Variants in SPATA6 observed in about 807,000 individuals in gnomAD.
SPATA6 encodes spermatogenesis associated 6.
In SPATA6, 56 loss-of-function variants were observed where a neutral mutation model predicts 65.3. That is an observed-to-expected ratio of 0.86 (90% CI 0.69 to 1.07). The LOEUF (loss-of-function observed/expected upper bound fraction) is 1.07, where lower values mean the gene tolerates loss of function less well. Among genes scored for constraint, SPATA6 ranks in the 50% least tolerant of loss-of-function variants. The probability of loss-of-function intolerance (pLI) is 0.00; values close to 1 mark genes in which losing one functional copy is unlikely to be tolerated. For synonymous variants in SPATA6, 199 were observed against 213.2 expected (o/e 0.93, Z 0.58); for missense variants, 590 against 594.8 (o/e 0.99, Z 0.08).
rs894070031 is a variant in SPATA6, at chr1:48,297,424, A to T, written c.*1289T>A. The T allele has an allele frequency of 1.3e-5, 2 of 152,122 alleles. No homozygotes were observed. The highest frequency in any genetic ancestry group is 4.8e-5 in the African/African-American group (2 of 41,432). 9.4% of individuals were successfully genotyped at this position (152,122 alleles called of 1,614,324 possible). A position where few individuals can be genotyped will look rare whatever the true frequency, so the allele number is the denominator to read the frequency against. On this transcript the variant is annotated 3_prime_UTR_variant, in exon 13 of 13. Transcript: ENST00000371847. Reference sequence around the variant, plus strand: ...GCTCTAATGCCCTTTCTGATATATCACAGACTGTGATACTAAAGCACCCTT... The same window carrying T: ...GCTCTAATGCCCTTTCTGATATATCTCAGACTGTGATACTAAAGCACCCTT...
At chr1:48,408,432 C>T (rs1214974795) in intron 5 of SPATA6, among the ~76,000 whole-genome samples, 1 of 152,112 alleles carries the variant, frequency 6.6e-6, no homozygotes, top group East Asian at 1.9e-4. Flanking sequence ...CTTGATGCAG[C>T]TTTTAATTTT....
intron 2 of SPATA6, among the ~76,000 whole-genome samples, chr1:48,452,687 A>G (rs1656685522): frequency 6.6e-6 from 1 of 152,158 alleles, no homozygotes; most frequent in Non-Finnish European, 1.5e-5. Flanking sequence ...CACGGCTGAT[A>G]TATTCTTATC....
the SPATA6 span, among the ~76,000 whole-genome samples, chr1:48,277,777 G>A: frequency 2.0e-5 from 3 of 152,242 alleles, no homozygotes; most frequent in Non-Finnish European, 4.4e-5. Flanking sequence ...AAAGACAGCA[G>A]TAACCTCTGC....
At chr1:48,335,827 A>G (rs1646044673) in intron 11 of SPATA6, among the ~76,000 whole-genome samples, 1 of 152,198 alleles carries the variant, frequency 6.6e-6, no homozygotes, top group Non-Finnish European at 1.5e-5. Flanking sequence ...AAAAGAAACT[A>G]TTAACAAAGT....
intron 1 of SPATA6, among the ~76,000 whole-genome samples, chr1:48,464,969 A>G (rs1274053984): frequency 2.0e-5 from 3 of 152,226 alleles, no homozygotes; most frequent in Non-Finnish European, 4.4e-5. Flanking sequence ...AAAAATCAAT[A>G]GCATTCTTTG....
chr1:48,320,062 C>A (rs1645556104), intron 11 of SPATA6, among the ~76,000 whole-genome samples: 1 of 152,292 alleles, frequency 6.6e-6, no homozygotes, highest in East Asian at 1.9e-4. Context: ...AGAGCCCAGT[C>A]CCCAGAGGCT....
chr1:48,391,456 A>G (rs1650063055), intron 8 of SPATA6, among the ~76,000 whole-genome samples: 1 of 152,128 alleles, frequency 6.6e-6, no homozygotes, highest in African/African-American at 2.4e-5. Flanking sequence ...CCTGGAAGCT[A>G]GCATTATATT....
intron 11 of SPATA6, among the ~76,000 whole-genome samples, chr1:48,334,054 T>C (rs1645991295): frequency 6.6e-6 from 1 of 152,112 alleles, no homozygotes; most frequent in East Asian, 1.9e-4. Flanking sequence ...TTCCTGGACA[T>C]ATACATCCTT....
intron 5 of SPATA6, among the ~76,000 whole-genome samples, chr1:48,407,214 A>G (rs1261822276): frequency 6.6e-6 from 1 of 152,148 alleles, no homozygotes; most frequent in Non-Finnish European, 1.5e-5. Context: ...AGATTAGGAA[A>G]TCATTCAAAA....
intron 3 of SPATA6, among the ~76,000 whole-genome samples, chr1:48,427,382 G>A: frequency 7.0e-6 from 1 of 143,166 alleles, no homozygotes. Flanking sequence ...CACTAAACAG[G>A]CAAAATGATC....
intron 5 of SPATA6, among the ~76,000 whole-genome samples, chr1:48,409,156 C>T (rs2803281): frequency 0.14 from 21,832 of 152,166 alleles, 1,778 homozygotes; most frequent in African/African-American, 0.21. Context: ...CTAGATACAA[C>T]GGGGGTATAG....
intron 5 of SPATA6, among the ~76,000 whole-genome samples, chr1:48,409,228 C>T (rs539125073): frequency 6.6e-6 from 1 of 152,204 alleles, no homozygotes; most frequent in African/African-American, 2.4e-5. Flanking sequence ...GGGCTACAGG[C>T]CCCATGCAAG....
intron 3 of SPATA6, among the ~76,000 whole-genome samples, chr1:48,447,146 T>C (rs1313493670): frequency 1.3e-5 from 2 of 152,188 alleles, no homozygotes; most frequent in Admixed American, 6.5e-5. Flanking sequence ...ACAAAAAATA[T>C]GTTAATTGAC....
chr1:48,471,849 G>T, intron 1 of SPATA6, 109 bp downstream of exon 1: 1 of 1,310,582 alleles, frequency 7.6e-7, no homozygotes. Context: ...CGCTCCCTAG[G>T]GATGATTCGG....
intron 11 of SPATA6, among the ~76,000 whole-genome samples, chr1:48,353,344 T>C (rs1008976442): frequency 6.6e-6 from 1 of 150,830 alleles, no homozygotes; most frequent in African/African-American, 2.4e-5. Flanking sequence ...AACCACGAGT[T>C]AATACAAAGG....
At chr1:48,441,479 A>C (rs758409549) in intron 3 of SPATA6, among the ~76,000 whole-genome samples, 2 of 152,132 alleles carry the variant, frequency 1.3e-5, no homozygotes, top group Non-Finnish European at 2.9e-5. Context: ...AAGGAGGGAC[A>C]TATTAGCCAA....
rs997831837 is a variant in SPATA6, at chr1:48,320,229, T to A, written c.1195-14351A>T. 2.6e-5 allele frequency among the ~76,000 whole-genome samples: 4 copies of A among 152,152 alleles called. No individual in the cohort carries two copies. In the South Asian group the frequency reaches 8.3e-4, roughly 32 times the overall value. On this transcript the variant is annotated intron_variant, in intron 11 of 12. Coordinates refer to ENST00000371847, the MANE Select transcript of SPATA6 (RefSeq NM_019073.4). Reference sequence around the variant, plus strand: ...ATAATAACAGAGAACTTCCAAAGCCTAGATAAAGATATTGGTAATCAAGTA... The same window carrying A: ...ATAATAACAGAGAACTTCCAAAGCCAAGATAAAGATATTGGTAATCAAGTA...
intron 11 of SPATA6, among the ~76,000 whole-genome samples, chr1:48,308,706 G>C (rs1423961182): frequency 6.6e-6 from 1 of 151,966 alleles, no homozygotes; most frequent in Admixed American, 6.6e-5. Flanking sequence ...CAGTTTTGCT[G>C]GATATTCATG....
chr1:48,344,204 T>C (rs1032038026), intron 11 of SPATA6: 7 of 152,166 alleles, frequency 4.6e-5, no homozygotes, highest in Admixed American at 4.6e-4. Flanking sequence ...CATAAAGCTA[T>C]TTTAGTGCTC....
Sources: allele counts gnomAD v4.1 joint callset (sites outside exome capture counted in the v4.1 genomes callset), GRCh38; gene constraint gnomAD v4.1.1; transcripts MANE v1.5; gene names NCBI Gene and HGNC (gene_info 2026-07-23, HGNC 2026-07-21).